MPP7: variants seen among roughly 807,000 people sequenced by gnomAD.
The protein encoded by MPP7 is MAGUK p55 subfamily member 7.
Under a neutral mutation model 76.5 loss-of-function variants are expected in MPP7, and 60 were observed. The ratio of observed to expected loss-of-function variants is 0.78; its 90% CI spans 0.64 to 0.97. The LOEUF is 0.97. Ranked by LOEUF, MPP7 falls within the 50% of genes least tolerant of loss-of-function variation. MPP7 has a pLI of 0.00. For synonymous variants in MPP7, 237 were observed against 244.5 expected, an observed-to-expected ratio of 0.97 and a Z score of 0.29; for missense variants, 641 against 694.0, an observed-to-expected ratio of 0.92 and a Z score of 0.86.
At chr10:28,241,380 T>A (rs1024979821) in intron 1 of MPP7, among the ~76,000 whole-genome samples, 1 of 152,170 alleles carries the variant, frequency 6.6e-6, no homozygotes, top group Non-Finnish European at 1.5e-5. Flanking sequence ...TACTACAAAG[T>A]AATCACCTTC....
chr10:28,291,249 G>A (rs1423427650), intron 1 of MPP7, among the ~76,000 whole-genome samples: 1 of 152,196 alleles, frequency 6.6e-6, no homozygotes, highest in Non-Finnish European at 1.5e-5. Context: ...CACTGATGCT[G>A]GCAAGACCAG....
At chr10:28,075,487 G>A (rs946443023) in intron 12 of MPP7, among the ~76,000 whole-genome samples, 1 of 152,056 alleles carries the variant, frequency 6.6e-6, no homozygotes, top group South Asian at 2.1e-4. Context: ...TTTTTTTACA[G>A]GTTTATATAG....
At chr10:28,251,007 C>T (rs934662427) in intron 1 of MPP7, among the ~76,000 whole-genome samples, 1 of 152,154 alleles carries the variant, frequency 6.6e-6, no homozygotes, top group South Asian at 2.1e-4. Flanking sequence ...AAATGGAATT[C>T]ATGTTAACAA....
intron 2 of MPP7, among the ~76,000 whole-genome samples, chr10:28,318,889 A>C (rs1489706725): frequency 6.6e-6 from 1 of 152,238 alleles, no homozygotes; most frequent in Non-Finnish European, 1.5e-5. Flanking sequence ...AGCAGTTTAT[A>C]ACTTCTATTT....
At chr10:28,268,336 TA>T (rs1331121879) in intron 1 of MPP7, among the ~76,000 whole-genome samples, 2 of 152,214 alleles carry the variant, frequency 1.3e-5, no homozygotes, top group Non-Finnish European at 2.9e-5. Flanking sequence ...GAAATTTTGA[TA>T]AAGAAGGAAC....
At chr10:28,319,961 CA>C (rs5784051) in intron 2 of MPP7, among the ~76,000 whole-genome samples, 56,509 of 151,298 alleles carry the variant, frequency 0.37, 11,574 homozygotes, top group African/African-American at 0.54. Flanking sequence ...CTCTCAAAAA[CA>C]AAAAAAAATA....
upstream of MPP7, among the ~76,000 whole-genome samples, chr10:28,303,075 C>T (rs1841205846): frequency 6.6e-6 from 1 of 152,218 alleles, no homozygotes; most frequent in Admixed American, 6.5e-5. Flanking sequence ...ACGGCCCCCA[C>T]CCTCGGAGGG....
chr10:28,279,942 C>CATGTA (rs1340968481), intron 1 of MPP7, among the ~76,000 whole-genome samples: 1 of 151,966 alleles, frequency 6.6e-6, no homozygotes, highest in Non-Finnish European at 1.5e-5. Flanking sequence ...AAGGTAAGAA[C>CATGTA]TTGATGTGTG....
chr10:28,076,472 T>C (rs1852485823), intron 12 of MPP7, among the ~76,000 whole-genome samples: 1 of 152,232 alleles, frequency 6.6e-6, no homozygotes, highest in East Asian at 1.9e-4. Flanking sequence ...ACAAGTGGTG[T>C]TGCAATGAAG....
intron 2 of MPP7, among the ~76,000 whole-genome samples, chr10:28,211,181 C>A (rs1457656679): frequency 1.3e-5 from 2 of 152,110 alleles, no homozygotes; most frequent in African/African-American, 2.4e-5. Context: ...TCACTGCAAC[C>A]TTGAACCCCT....
At chr10:28,279,206 G>T (rs1363185539) in intron 1 of MPP7, among the ~76,000 whole-genome samples, 1 of 152,024 alleles carries the variant, frequency 6.6e-6, no homozygotes, top group Non-Finnish European at 1.5e-5. Context: ...TATCTCCTAA[G>T]GAAGCTAAGA....
intron 2 of MPP7, among the ~76,000 whole-genome samples, chr10:28,214,086 A>G (rs545181282): frequency 6.6e-5 from 10 of 152,152 alleles, no homozygotes; most frequent in Non-Finnish European, 1.5e-4. Context: ...CATTTTTGCC[A>G]TATATATTTC....
Position 28,255,480 on chromosome 10 carries a change from T to C in MPP7, c.-131-16745A>G, listed in dbSNP as rs145095629. Among the ~76,000 whole-genome samples the C allele has an allele frequency of 8.0e-3, 1,206 of 151,514 alleles. 17 individuals are homozygous for C. Among genetic ancestry groups the C allele is most frequent in the African/African-American group, 0.028 (1,137 of 41,268 alleles). ...CCCAGGTTGGAGTGCAGTGGCGTGA[T>C]CTTGGCTCACTGCAACCTCCGCCTC... On this transcript the variant is annotated intron_variant, in intron 1 of 16. Coordinates refer to ENST00000683449, the MANE Select transcript of MPP7 (RefSeq NM_001318170.2).
At chr10:28,246,590 T>C (rs748610040) in intron 1 of MPP7, among the ~76,000 whole-genome samples, 1 of 152,202 alleles carries the variant, frequency 6.6e-6, no homozygotes, top group East Asian at 1.9e-4. Context: ...TTAATTCTTT[T>C]ATAAATTTTC....
At position 28,120,547 on chromosome 10, in the gene MPP7, A is replaced by G. The variant is rs1318557581; in HGVS notation, c.690+47T>C. The stretch of plus-strand genomic sequence containing the variant: ...GTGGATATGTGTTGGATGGAAAAAC[A>G]TGACTTCCCTCCCACGCACGAAGAA... On this transcript the variant is annotated intron_variant, in intron 9 of 16. Coordinates refer to ENST00000683449, the MANE Select transcript of MPP7 (RefSeq NM_001318170.2). The G allele has an allele frequency of 5.1e-6, 8 of 1,563,786 alleles. No individual in the cohort carries two copies. The African/African-American group carries it at 5.4e-5, about 11-fold the overall frequency.
chr10:28,212,708 T>G (rs191578078), intron 2 of MPP7, among the ~76,000 whole-genome samples: 6 of 152,282 alleles, frequency 3.9e-5, no homozygotes, highest in African/African-American at 1.4e-4. Context: ...CCACTCCGAG[T>G]GCTGTAATCT....
At chr10:28,312,028 A>G (rs1016419932) in intron 2 of MPP7, among the ~76,000 whole-genome samples, 45 of 152,274 alleles carry the variant, frequency 3.0e-4, no homozygotes, top group African/African-American at 1.0e-3. Context: ...GCTGACTTCA[A>G]GAATGGAGAT....
chr10:28,120,088 A>T, intron 10 of MPP7, 106 bp downstream of exon 10: 1 of 1,234,876 alleles, frequency 8.1e-7, no homozygotes, highest in Non-Finnish European at 1.1e-6. Context: ...AAAAATTCTA[A>T]GGCAAGGTTT....
chr10:28,312,060 A>G (rs1275153052), intron 2 of MPP7, among the ~76,000 whole-genome samples: 1 of 152,174 alleles, frequency 6.6e-6, no homozygotes, highest in Admixed American at 6.5e-5. Flanking sequence ...ACAGCTCTTA[A>G]AGATGGCACG....
Sources: allele counts gnomAD v4.1 joint callset (sites outside exome capture counted in the v4.1 genomes callset), GRCh38; gene constraint gnomAD v4.1.1; transcripts MANE v1.5; gene names NCBI Gene and HGNC (gene_info 2026-07-23, HGNC 2026-07-21).